Variants in ZC2HC1A observed in about 807,000 individuals in gnomAD.
The protein encoded by ZC2HC1A is zinc finger C2HC domain-containing protein 1A.
In ZC2HC1A, 28 loss-of-function variants were observed where a neutral mutation model predicts 40.7. The ratio of observed to expected loss-of-function variants is 0.69; its 90% CI spans 0.51 to 0.94. The LOEUF (loss-of-function observed/expected upper bound fraction) is 0.94, where lower values mean the gene tolerates loss of function less well. Ranked by LOEUF, ZC2HC1A falls within the 40% of genes least tolerant of loss-of-function variation. The pLI, the probability that ZC2HC1A is intolerant of heterozygous loss-of-function variation, is 0.00. For synonymous variants in ZC2HC1A, 129 were observed against 129.2 expected (o/e 1.00, Z 0.01); for missense variants, 389 against 386.3 (o/e 1.01, Z -0.06).
In ZC2HC1A at chr8:78,671,822, A is replaced by G. The variant is rs570552128; in HGVS notation, c.17-3965A>G. Among the ~76,000 whole-genome samples the G allele has an allele frequency of 2.6e-5, 4 of 152,272 alleles. No homozygotes were observed. The East Asian group carries it at 5.8e-4, about 22-fold the overall frequency. ...CACTACCTGAAGCATTCGTTCTACCATCTGCAGTTGGTTTAATCATTCTTA... is the reference window on the plus strand; with the variant it reads ...CACTACCTGAAGCATTCGTTCTACCGTCTGCAGTTGGTTTAATCATTCTTA... On this transcript the variant is annotated intron_variant, in intron 1 of 8. Transcript: ENST00000263849.
chr8:78,682,029 C>T (rs1376355571), intron 3 of ZC2HC1A, among the ~76,000 whole-genome samples: 4 of 151,670 alleles, frequency 2.6e-5, no homozygotes, highest in East Asian at 1.9e-4. Flanking sequence ...AGGCATGAGC[C>T]GTCATACCTA....
intron 3 of ZC2HC1A, among the ~76,000 whole-genome samples, chr8:78,686,134 T>A (rs1407776669): frequency 2.0e-5 from 3 of 152,204 alleles, no homozygotes; most frequent in Admixed American, 2.0e-4. Flanking sequence ...CTCGTACTAC[T>A]GTTATAATGG....
At position 78,669,048 on chromosome 8, in the gene ZC2HC1A, G is replaced by T. The variant is rs888167662; in HGVS notation, c.16+2884G>T. 2.0e-5 allele frequency among the ~76,000 whole-genome samples: 3 copies of T among 150,520 alleles called. No homozygotes were observed. The South Asian group carries it at 6.4e-4, about 32-fold the overall frequency. On this transcript the variant is annotated intron_variant, in intron 1 of 8. Coordinates refer to ENST00000263849, the MANE Select transcript of ZC2HC1A (RefSeq NM_016010.3). ...CTGATTGCTCTTCAGTGTAGCCCTT[G>T]GTTTAAAGATAGTCGTGTCTCATCA... is the stretch of plus-strand genomic sequence containing the variant.
intron 7 of ZC2HC1A, among the ~76,000 whole-genome samples, chr8:78,700,778 T>G (rs976127132): frequency 1.3e-4 from 20 of 152,220 alleles, no homozygotes; most frequent in African/African-American, 4.8e-4. Context: ...TTCCATTGCT[T>G]ATTTTTGTCA....
rs1051656459 is a variant in ZC2HC1A at position 78,696,562 on chromosome 8, T to C, written c.505-845T>C. ...TTTATTGTCAGGTAACTGAGCAAAA[T>C]TTGGCTCAAAAAGAGAAAGTAAAAT... On this transcript the variant is annotated intron_variant, in intron 5 of 8. Transcript: ENST00000263849. Among the ~76,000 whole-genome samples the C allele has an allele frequency of 2.6e-5, 4 of 152,210 alleles. No individual in the cohort carries two copies. The East Asian group carries it at 7.7e-4, about 29-fold the overall frequency.
rs190465683 is a variant in ZC2HC1A at position 78,718,339 on chromosome 8, G to A, written c.*846G>A. On this transcript the variant is annotated 3_prime_UTR_variant, in exon 9 of 9. Transcript: ENST00000263849. ...AAAATGTAATTATTTAATATAGAAG[G>A]CACAGAATTCCCTGCAAAATCTTAC... The A allele has an allele frequency of 2.6e-5, 4 of 151,838 alleles. No homozygotes were observed. The highest frequency in any genetic ancestry group is 5.9e-5 in the Non-Finnish European group (4 of 67,782). 9.4% of individuals were successfully genotyped at this position (151,838 alleles called of 1,614,324 possible).
At chr8:78,680,650 A>G (rs192930453) in intron 3 of ZC2HC1A, among the ~76,000 whole-genome samples, 1 of 152,358 alleles carries the variant, frequency 6.6e-6, no homozygotes, top group East Asian at 1.9e-4. Context: ...AAAGGTAGGC[A>G]TAATTCATAG....
chr8:78,689,177 T>A (rs770704036), intron 4 of ZC2HC1A, 45 bp from the exon 5 acceptor site: 5 of 1,346,404 alleles, frequency 3.7e-6, no homozygotes, highest in Non-Finnish European at 3.9e-6. Flanking sequence ...AATGTCCGTT[T>A]CAAGTACTAT....
chr8:78,683,671 A>C (rs1468253383), intron 3 of ZC2HC1A, among the ~76,000 whole-genome samples: 1 of 152,072 alleles, frequency 6.6e-6, no homozygotes, highest in Non-Finnish European at 1.5e-5. Flanking sequence ...TGTCTTGGTG[A>C]TTAACATTCC....
chr8:78,671,334 A>C (rs146788184), intron 1 of ZC2HC1A, among the ~76,000 whole-genome samples: 2,760 of 152,310 alleles, frequency 0.018, 47 homozygotes, highest in Non-Finnish European at 0.024. Flanking sequence ...GCTTCTTAAA[A>C]GTTCTAGAAT....
At position 78,689,233 on chromosome 8, in the gene ZC2HC1A, T is replaced by A. The variant is rs777730540; in HGVS notation, c.364T>A (p.Cys122Ser). 6.4e-7 allele frequency: 1 copy of A among 1,568,850 alleles called. No homozygotes were observed. Among genetic ancestry groups the A allele is most frequent in the East Asian group, 2.3e-5 (1 of 42,834 alleles). The change falls in exon 5 of 9, where the codon TGT becomes AGT. Residue 122 changes from cysteine to serine, a missense_variant. Physicochemically the swap from Cys to Ser is moderately radical, Grantham distance 112. Transcript: ENST00000263849. The stretch of plus-strand genomic sequence containing the variant: ...TTTATCTGTTATAGATTATATTCAA[T>A]GTCCATATTGTCAGAGGAGATTCAA... ...PPSYDPDYIQ[C>S]PYCQRRFNEN... is the part of the protein sequence containing the mutation.
Position 78,686,439 on chromosome 8 carries a change from A to G in ZC2HC1A, c.211-28A>G, listed in dbSNP as rs751493229. ...CTAAAAAGATACTGTTTGTTTATTT[A>G]TTTATTTATTTATTTATTTATTTAT... On this transcript the variant is annotated intron_variant, in intron 3 of 8. Coordinates refer to ENST00000263849, the MANE Select transcript of ZC2HC1A (RefSeq NM_016010.3). 552 of 1,138,704 alleles carry G rather than the reference A, an allele frequency of 4.8e-4. 5 individuals are homozygous for G. In the African/African-American group the frequency reaches 5.9e-3, roughly 12 times the overall value. 70.5% of individuals were successfully genotyped at this position (1,138,704 alleles called of 1,614,324 possible).
chr8:78,671,418 T>C (rs1809435097), intron 1 of ZC2HC1A, among the ~76,000 whole-genome samples: 1 of 152,214 alleles, frequency 6.6e-6, no homozygotes, highest in African/African-American at 2.4e-5. Flanking sequence ...CTCTCTGATA[T>C]AATATTCACC....
chr8:78,677,567 C>A (rs1809622092), intron 2 of ZC2HC1A, among the ~76,000 whole-genome samples: 1 of 152,040 alleles, frequency 6.6e-6, no homozygotes, highest in East Asian at 1.9e-4. Flanking sequence ...ACTACTCTTA[C>A]ATTAACTTTT....
At chr8:78,682,955 C>T (rs1809836081) in intron 3 of ZC2HC1A, among the ~76,000 whole-genome samples, 1 of 152,202 alleles carries the variant, frequency 6.6e-6, no homozygotes, top group African/African-American at 2.4e-5. Context: ...TGAGGGCAGT[C>T]ATTAAACCTT....
intron 3 of ZC2HC1A, 104 bp downstream of exon 3, chr8:78,678,783 C>A: frequency 1.6e-6 from 1 of 610,792 alleles, no homozygotes. Context: ...CAATTATCTG[C>A]TACATTAAGA....
rs956598080 is a variant in ZC2HC1A at position 78,677,446 on chromosome 8, A to G, written c.94-1117A>G. 5.3e-5 allele frequency among the ~76,000 whole-genome samples: 8 copies of G among 152,114 alleles called. No individual in the cohort carries two copies. In the South Asian group the frequency reaches 1.0e-3, roughly 20 times the overall value. On this transcript the variant is annotated intron_variant, in intron 2 of 8. Transcript: ENST00000263849. ...CTGCAAAGTTTGAGTTCCAGAAGGGAGGAAAAGAATTAGTATGGGAGAAGG... is the reference window on the plus strand; with the variant it reads ...CTGCAAAGTTTGAGTTCCAGAAGGGGGGAAAAGAATTAGTATGGGAGAAGG...
chr8:78,715,112 G>C (rs1811058681), intron 7 of ZC2HC1A, 109 bp from the exon 8 acceptor site: 2 of 896,360 alleles, frequency 2.2e-6, no homozygotes, highest in Non-Finnish European at 3.3e-6. Context: ...TTAATCTTTT[G>C]AACTTCTCTG....
intron 3 of ZC2HC1A, among the ~76,000 whole-genome samples, chr8:78,681,901 C>CTTTTTT (rs56181953): frequency 1.2e-4 from 15 of 126,466 alleles, no homozygotes; most frequent in Non-Finnish European, 1.5e-4. Context: ...CTTTTTCTTT[C>CTTTTTT]TTTTTTTTTT....
Sources: gnomAD v4.1 joint callset for allele counts (sites outside exome capture counted in the v4.1 genomes callset) on GRCh38, gnomAD v4.1.1 for gene constraint, MANE v1.5 for transcripts, NCBI Gene and HGNC (gene_info 2026-07-23, HGNC 2026-07-21) for gene names.